Variants in EPRS1 observed in about 807,000 individuals in gnomAD.
EPRS1 encodes the protein glutamyl-prolyl-tRNA synthetase 1.
Under a neutral mutation model 188.3 loss-of-function variants are expected in EPRS1, and 107 were observed. The ratio of observed to expected loss-of-function variants is 0.57; its 90% CI spans 0.49 to 0.67. The LOEUF is 0.67. EPRS1 is among the 30% of genes least tolerant of loss of function. The probability of loss-of-function intolerance (pLI) is 0.00; values close to 1 mark genes in which losing one functional copy is unlikely to be tolerated. For missense variants in EPRS1, 1,577 were observed against 1,802.2 expected (o/e 0.88, Z 2.26); for synonymous variants, 596 against 593.1 (o/e 1.00, Z -0.07).
At chr1:220,034,875 A>G (rs375017389) in intron 3 of EPRS1, 39 bp downstream of exon 3, 15 of 1,139,958 alleles carry the variant, frequency 1.3e-5, no homozygotes, top group Non-Finnish European at 1.9e-5. Flanking sequence ...AAACAGAAGC[A>G]TAAGACAAAA....
intron 2 of EPRS1, 67 bp downstream of exon 2, chr1:220,040,118 T>G (rs1662264102): frequency 9.7e-7 from 1 of 1,032,874 alleles, no homozygotes; most frequent in South Asian, 1.4e-5. Flanking sequence ...AGACTCTGTC[T>G]CTAAAAAAAC....
At chr1:219,984,095 G>A (rs1660956937) in intron 21 of EPRS1, 111 bp downstream of exon 21, 1 of 742,772 alleles carries the variant, frequency 1.3e-6, no homozygotes, top group Non-Finnish European at 2.4e-6. Flanking sequence ...ATTATTAAAG[G>A]CATTATACAA....
At chr1:220,032,597 A>C in intron 4 of EPRS1, 71 bp from the exon 5 acceptor site, 1 of 1,434,788 alleles carries the variant, frequency 7.0e-7, no homozygotes. Context: ...AGTTGTGACT[A>C]ATTGAAGTAA....
intron 28 of EPRS1, among the ~76,000 whole-genome samples, chr1:219,976,805 G>A (rs1660790747): frequency 6.6e-6 from 1 of 152,090 alleles, no homozygotes; most frequent in South Asian, 2.1e-4. Context: ...CATGGAGGAG[G>A]CAAATATTTT....
intron 20 of EPRS1, among the ~76,000 whole-genome samples, chr1:219,984,778 C>T (rs949640958): frequency 6.6e-6 from 1 of 151,998 alleles, no homozygotes; most frequent in Non-Finnish European, 1.5e-5. Context: ...CACAGTGGCT[C>T]ACGCCTGTAA....
intron 12 of EPRS1, among the ~76,000 whole-genome samples, chr1:220,017,632 A>AT (rs1661746697): frequency 6.6e-6 from 1 of 152,234 alleles, no homozygotes; most frequent in Admixed American, 6.5e-5. Flanking sequence ...TCAAGCAGCA[A>AT]TCCCAAATAA....
rs1331027895 is a variant in EPRS1, at chr1:219,987,416, C to A, written c.2776-12G>T. 5.7e-6 allele frequency: 9 copies of A among 1,574,576 alleles called. No homozygotes were observed. In the Admixed American group the frequency reaches 7.8e-5, roughly 14 times the overall value. ...ATATCTACTTGATCCTTTAGTTTAA[C>A]AAAAGAGGAAAAAGAGAAGACAGTA... On this transcript the variant is annotated splice_polypyrimidine_tract_variant and intron_variant, in intron 19 of 31. Transcript: ENST00000366923.
intron 30 of EPRS1, among the ~76,000 whole-genome samples, chr1:219,969,887 C>A (rs1027826652): frequency 6.6e-6 from 1 of 152,168 alleles, no homozygotes. Flanking sequence ...GTGGCACTAT[C>A]TTGGCTCATT....
chr1:220,042,158 G>A (rs1662308027), intron 1 of EPRS1, among the ~76,000 whole-genome samples: 1 of 145,974 alleles, frequency 6.9e-6, no homozygotes, highest in Admixed American at 6.9e-5. Context: ...TCCAGCCTAG[G>A]TGGCAGAGCA....
rs1661266216 is a variant in EPRS1, at chr1:219,997,842, A to AC, written c.2182-501_2182-500insG. On this transcript the variant is annotated intron_variant, in intron 17 of 31. Coordinates refer to ENST00000366923, the MANE Select transcript of EPRS1 (RefSeq NM_004446.3). ...CAATAAGCATTAGGTATCACTATTA[A>AC]TTTTTTTAGAGATGAAATACATCTA... Among the ~76,000 whole-genome samples, 11 of 152,294 alleles carry AC rather than the reference A, an allele frequency of 7.2e-5. No homozygotes were observed. In the South Asian group the frequency reaches 2.3e-3, roughly 32 times the overall value.
rs1317024595 is a variant in EPRS1, at chr1:219,978,529, A to G, written c.4083+17T>C. 6 of 1,530,924 alleles carry G rather than the reference A, an allele frequency of 3.9e-6. No homozygotes were observed. The highest frequency in any genetic ancestry group is 5.3e-6 in the Non-Finnish European group (6 of 1,131,574). The allele number at this position is 1,530,924 out of a possible 1,614,324, so 94.8% of individuals were successfully genotyped here. ...ATTGCAGATGTTGGGGGTAAAAGAT[A>G]AAGCTTAGGAATTTACCTTGAGCTC... On this transcript the variant is annotated intron_variant, in intron 28 of 31. Coordinates refer to ENST00000366923, the MANE Select transcript of EPRS1 (RefSeq NM_004446.3).
intron 18 of EPRS1, among the ~76,000 whole-genome samples, chr1:219,991,341 T>C (rs1054497112): frequency 1.3e-5 from 2 of 152,278 alleles, no homozygotes; most frequent in South Asian, 4.1e-4. Context: ...AAAAATACTT[T>C]TTTCAAACTT....
At chr1:220,032,351 GTTT>G in intron 5 of EPRS1, 33 bp downstream of exon 5, 2 of 1,196,034 alleles carry the variant, frequency 1.7e-6, no homozygotes, top group Non-Finnish European at 1.1e-6. Context: ...CTCCCAAAGT[GTTT>G]TTTTTTTTAA....
chr1:220,029,750 T>C (rs902831345), intron 6 of EPRS1, among the ~76,000 whole-genome samples: 2 of 152,180 alleles, frequency 1.3e-5, no homozygotes, highest in East Asian at 3.8e-4. Flanking sequence ...ATACTTCAAA[T>C]AGGATGACAG....
chr1:220,028,839 A>G (rs1571694044), intron 6 of EPRS1, among the ~76,000 whole-genome samples: 1 of 152,200 alleles, frequency 6.6e-6, no homozygotes, highest in East Asian at 1.9e-4. Flanking sequence ...AAATGAAAAA[A>G]TAGTAATTAA....
In EPRS1 at chr1:219,974,715, A is replaced by T. The variant is rs76056965; in HGVS notation, c.4084-1317T>A. On this transcript the variant is annotated intron_variant, in intron 28 of 31. Transcript: ENST00000366923. ...AATGGAACCAACTGTTGTATGCTAA[A>T]TATTACATTATTTTATTGCTTTAGT... 5.5e-3 allele frequency among the ~76,000 whole-genome samples: 844 copies of T among 152,318 alleles called. 8 individuals are homozygous for T. The highest frequency in any genetic ancestry group is 0.02 in the African/African-American group (820 of 41,570).
intron 6 of EPRS1, among the ~76,000 whole-genome samples, chr1:220,028,833 GA>G (rs1367151323): frequency 3.3e-5 from 5 of 151,814 alleles, no homozygotes; most frequent in Non-Finnish European, 5.9e-5. Context: ...AAGAAAAAAT[GA>G]AAAAATAGTA....
At chr1:220,025,084 C>T in intron 7 of EPRS1, 48 bp downstream of exon 7, 1 of 1,577,986 alleles carries the variant, frequency 6.3e-7, no homozygotes, top group South Asian at 1.1e-5. Flanking sequence ...AATCCTGTAA[C>T]TTTAATTCAC....
At position 219,987,146 on chromosome 1, in the gene EPRS1, T is replaced by G; in HGVS notation, c.3034A>C (p.Thr1012Pro). Reference protein sequence around the residue: ...AGEGQGPKKQTRLGLEAKKEE... With the variant: ...AGEGQGPKKQPRLGLEAKKEE... The stretch of plus-strand genomic sequence containing the variant: ...GAAGTTTCTGCGATTCATTACCTGG[T>G]CTGTTTCTTAGGCCCCTGCCCTTCT... Residue 1012 changes from threonine to proline, a missense_variant, in exon 20 of 32, where the codon ACC becomes CCC. Transcript: ENST00000366923. 6.2e-7 allele frequency: 1 copy of G among 1,604,646 alleles called. No individual in the cohort carries two copies. Among genetic ancestry groups the G allele is most frequent in the Non-Finnish European group, 8.5e-7 (1 of 1,177,314 alleles).
Sources: gnomAD v4.1 joint callset for allele counts (sites outside exome capture counted in the v4.1 genomes callset) on GRCh38, gnomAD v4.1.1 for gene constraint, MANE v1.5 for transcripts, NCBI Gene and HGNC (gene_info 2026-07-23, HGNC 2026-07-21) for gene names.